The following PTPRT variants were observed in gnomAD, a reference collection of about 807,000 sequenced individuals.
PTPRT encodes the protein protein tyrosine phosphatase receptor type T, also known as receptor-type tyrosine-protein phosphatase T.
A neutral mutation model predicts 176.8 loss-of-function variants in PTPRT; 56 were observed. That is an observed-to-expected ratio of 0.32 (90% confidence interval 0.26 to 0.40). The LOEUF is 0.40. Ranked by LOEUF, PTPRT falls within the 10% of genes least tolerant of loss-of-function variation. The probability of loss-of-function intolerance (pLI) is 1.00; values close to 1 mark genes in which losing one functional copy is unlikely to be tolerated. For synonymous variants in PTPRT, 783 were observed against 739.0 expected, an observed-to-expected ratio of 1.06 and a Z score of -0.96; for missense variants, 1,540 against 1,908.2, an observed-to-expected ratio of 0.81 and a Z score of 3.60.
At chr20:43,178,771 G>A (rs2015180756) in intron 1 of PTPRT, among the ~76,000 whole-genome samples, 4 of 152,182 alleles carry the variant, frequency 2.6e-5, no homozygotes, top group African/African-American at 2.4e-5. Context: ...TGCACTGCCA[G>A]ATGTAGCAAG....
intron 1 of PTPRT, among the ~76,000 whole-genome samples, chr20:42,976,634 T>A (rs1056555024): frequency 1.3e-5 from 2 of 152,270 alleles, no homozygotes; most frequent in Admixed American, 6.5e-5. Flanking sequence ...CTCAAACTCC[T>A]GACCTCAAGT....
At chr20:43,077,539 G>C (rs183519810) in intron 1 of PTPRT, among the ~76,000 whole-genome samples, 153 of 152,272 alleles carry the variant, frequency 1.0e-3, no homozygotes, top group Non-Finnish European at 1.8e-3. Context: ...ATGTGCAAAA[G>C]AGAGCCCCTT....
At chr20:43,070,996 C>A (rs1389762321) in intron 1 of PTPRT, among the ~76,000 whole-genome samples, 2 of 151,460 alleles carry the variant, frequency 1.3e-5, no homozygotes, top group Non-Finnish European at 2.9e-5. Context: ...AAGAACTGCC[C>A]TCAACCAAAC....
intron 1 of PTPRT, among the ~76,000 whole-genome samples, chr20:42,926,355 G>T (rs1178535440): frequency 6.6e-6 from 1 of 152,196 alleles, no homozygotes; most frequent in Admixed American, 6.5e-5. Flanking sequence ...GGCTGCACTA[G>T]CTCTGAGCTT....
intron 1 of PTPRT, among the ~76,000 whole-genome samples, chr20:42,981,419 C>T (rs1197193124): frequency 6.6e-6 from 1 of 152,238 alleles, no homozygotes; most frequent in Admixed American, 6.5e-5. Flanking sequence ...CCTTCCCACA[C>T]TGACTGTGGC....
At chr20:42,460,998 C>T (rs1201652357) in intron 8 of PTPRT, among the ~76,000 whole-genome samples, 2 of 151,984 alleles carry the variant, frequency 1.3e-5, no homozygotes, top group Non-Finnish European at 2.9e-5. Context: ...CCTTGGGTAA[C>T]ACAATGAGAC....
At chr20:42,567,446 T>G (rs1435898323) in intron 7 of PTPRT, among the ~76,000 whole-genome samples, 1 of 152,222 alleles carries the variant, frequency 6.6e-6, no homozygotes, top group Admixed American at 6.5e-5. Flanking sequence ...GACTTGGCTT[T>G]GACATTATCT....
chr20:42,846,763 A>G (rs912415254), intron 2 of PTPRT, among the ~76,000 whole-genome samples: 3 of 152,142 alleles, frequency 2.0e-5, no homozygotes, highest in African/African-American at 7.2e-5. Context: ...GAGCTCTGGA[A>G]AGTTGAGATA....
At chr20:43,096,979 A>T (rs2012196456) in intron 1 of PTPRT, among the ~76,000 whole-genome samples, 1 of 152,226 alleles carries the variant, frequency 6.6e-6, no homozygotes, top group Admixed American at 6.5e-5. Flanking sequence ...TAAATTAAAA[A>T]GCCAAAGCTT....
At chr20:42,536,200 G>A (rs1254159255) in intron 7 of PTPRT, among the ~76,000 whole-genome samples, 1 of 152,100 alleles carries the variant, frequency 6.6e-6, no homozygotes, top group East Asian at 1.9e-4. Flanking sequence ...CATGTGCCAG[G>A]AAGACTTTAT....
intron 1 of PTPRT, among the ~76,000 whole-genome samples, chr20:43,073,599 T>C (rs886338850): frequency 6.6e-6 from 1 of 151,628 alleles, no homozygotes; most frequent in Non-Finnish European, 1.5e-5. Flanking sequence ...AATTGCTGTT[T>C]TTGCCATTAC....
intron 6 of PTPRT, among the ~76,000 whole-genome samples, chr20:42,725,216 G>A (rs375894957): frequency 8.6e-5 from 13 of 151,754 alleles, no homozygotes; most frequent in East Asian, 3.9e-4. Context: ...TAGTAGAGAC[G>A]GGGTTTCACC....
intron 9 of PTPRT, among the ~76,000 whole-genome samples, chr20:42,402,047 A>G (rs937067898): frequency 6.6e-6 from 1 of 152,122 alleles, no homozygotes; most frequent in African/African-American, 2.4e-5. Context: ...CAGGCTAAGA[A>G]CTGTTAGGTG....
At chr20:43,138,341 G>A (rs555482613) in intron 1 of PTPRT, among the ~76,000 whole-genome samples, 4 of 152,328 alleles carry the variant, frequency 2.6e-5, no homozygotes, top group Admixed American at 1.3e-4. Flanking sequence ...GGAACACCCG[G>A]GCTGCCGGCG....
chr20:43,048,754 G>A (rs761551062), intron 1 of PTPRT, among the ~76,000 whole-genome samples: 4 of 152,178 alleles, frequency 2.6e-5, no homozygotes, highest in Non-Finnish European at 5.9e-5. Context: ...TTTGCCATCT[G>A]CTCCACAACA....
At position 42,704,602 on chromosome 20, in the gene PTPRT, C is replaced by T. The variant is rs551216111; in HGVS notation, c.860-26443G>A. Reference sequence around the variant, plus strand: ...ATTCAGATCCTGTTAACTGGAAAACCCCTCTTCTCTGATCCTCTGACAGAA... The same window carrying T: ...ATTCAGATCCTGTTAACTGGAAAACTCCTCTTCTCTGATCCTCTGACAGAA... On this transcript the variant is annotated intron_variant, in intron 6 of 30. Transcript: ENST00000373187. Among the ~76,000 whole-genome samples the T allele has an allele frequency of 3.1e-4, 47 of 152,176 alleles. 1 individual carries two copies. The highest frequency in any genetic ancestry group is 1.1e-3 in the African/African-American group (47 of 41,510).
intron 7 of PTPRT, among the ~76,000 whole-genome samples, chr20:42,655,148 T>G (rs1383314995): frequency 2.7e-5 from 4 of 150,784 alleles, no homozygotes; most frequent in African/African-American, 9.7e-5. Context: ...TAAAAATACA[T>G]CATCATCTAC....
intron 27 of PTPRT, among the ~76,000 whole-genome samples, chr20:42,091,540 T>G (rs1223951269): frequency 1.3e-5 from 2 of 152,228 alleles, no homozygotes; most frequent in Non-Finnish European, 2.9e-5. Flanking sequence ...GGACTTTATT[T>G]ATTAAGGCCC....
At chr20:42,355,234 C>A (rs531388520) in intron 9 of PTPRT, among the ~76,000 whole-genome samples, 1 of 152,288 alleles carries the variant, frequency 6.6e-6, no homozygotes, top group South Asian at 2.1e-4. Flanking sequence ...CCTGCAGCAT[C>A]CCAATTTCCC....
Sources: gnomAD v4.1 joint callset for allele counts (sites outside exome capture counted in the v4.1 genomes callset) on GRCh38, gnomAD v4.1.1 for gene constraint, MANE v1.5 for transcripts, NCBI Gene and HGNC (gene_info 2026-07-23, HGNC 2026-07-21) for gene names.